Variants in SOBP observed in about 807,000 individuals in gnomAD.
SOBP encodes sine oculis binding protein homolog.
Under a neutral mutation model 53.6 loss-of-function variants are expected in SOBP, and 4 were observed. The ratio of observed to expected loss-of-function variants is 0.07; its 90% CI spans 0.04 to 0.17. The LOEUF (loss-of-function observed/expected upper bound fraction) is 0.17. Among genes scored for constraint, SOBP ranks in the 10% least tolerant of loss-of-function variants. The pLI is 1.00. For synonymous variants in SOBP, 584 were observed against 522.6 expected (o/e 1.12, Z -1.60); for missense variants, 1,088 against 1,204.7 (o/e 0.90, Z 1.43).
In SOBP at chr6:107,635,333, C is replaced by T. The variant is rs938039137; in HGVS notation, c.2489C>T (p.Pro830Leu). The part of the protein sequence containing the change: ...MLPKTGCVIQ[P>L]VPKPAEKAAM... ...CCCAAGACCGGCTGCGTGATCCAGC[C>T]TGTGCCAAAACCCGCGGAGAAGGCT... Residue 830 changes from proline to leucine, a missense_variant, in exon 6 of 7, where the codon CCT (proline) becomes CTT (leucine). This residue lies in a region of SOBP where 665 missense variants were observed against 629.7 expected (regional missense o/e 1.06). Transcript: ENST00000317357. This position sits in a 1 kb window ranked among gnomAD's most constrained non-coding sequence, Gnocchi z 4.5. 2.5e-6 allele frequency: 4 copies of T among 1,613,728 alleles called. No homozygotes were observed. The highest frequency in any genetic ancestry group is 3.3e-5 in the Admixed American group (2 of 60,036).
At chr6:107,599,537 C>CA (rs907267933) in intron 5 of SOBP, among the ~76,000 whole-genome samples, 17 of 139,798 alleles carry the variant, frequency 1.2e-4, no homozygotes, top group South Asian at 2.4e-4. Flanking sequence ...AGATCTTCAT[C>CA]AAAAAAAACA....
At chr6:107,579,660 C>T (rs1211860150) in intron 4 of SOBP, among the ~76,000 whole-genome samples, 1 of 152,184 alleles carries the variant, frequency 6.6e-6, no homozygotes, top group South Asian at 2.1e-4. Flanking sequence ...GCCTCACATG[C>T]GTGCGGCTCT....
At chr6:107,547,048 A>C (rs139581040) in intron 4 of SOBP, among the ~76,000 whole-genome samples, 126 of 152,354 alleles carry the variant, frequency 8.3e-4, no homozygotes, top group African/African-American at 2.9e-3. Flanking sequence ...CTTATTTGGC[A>C]GTAGATGACA....
chr6:107,606,068 TCC>T (rs1460579612), intron 5 of SOBP, among the ~76,000 whole-genome samples: 3 of 90,648 alleles, frequency 3.3e-5, no homozygotes, highest in Non-Finnish European at 4.3e-5. Context: ...TCAGATAGGC[TCC>T]TTTTTTTTTT....
chr6:107,500,068 C>T, intron 1 of SOBP, among the ~76,000 whole-genome samples: 1 of 152,090 alleles, frequency 6.6e-6, no homozygotes, highest in East Asian at 1.9e-4. Flanking sequence ...TCTTTATAGG[C>T]CATAAACATT....
intron 5 of SOBP, among the ~76,000 whole-genome samples, chr6:107,630,166 G>A (rs774825042): frequency 2.6e-5 from 4 of 152,204 alleles, no homozygotes; most frequent in African/African-American, 4.8e-5. Flanking sequence ...AGCTCAGTGC[G>A]TAAATCCCTG....
Position 107,634,449 on chromosome 6 carries a change from GCCCATC to G in SOBP, c.1620_1625del (p.Ile543_Pro544del), listed in dbSNP as rs748118923. The stretch of plus-strand genomic sequence containing the variant: ...ACCCCGTGATCGTGCCCCTACCGGT[GCCCATC>G]CCCATCCCCATCCCTATCCCTCACG... On this transcript the variant is annotated inframe_deletion, in exon 6 of 7. Transcript: ENST00000317357. The surrounding 1 kb of genome is among the most constrained non-coding windows in gnomAD (Gnocchi z 4.5). The G allele has an allele frequency of 2.4e-5, 38 of 1,609,450 alleles. No homozygotes were observed. Among genetic ancestry groups the G allele is most frequent in the East Asian group, 4.5e-5 (2 of 44,834 alleles).
chr6:107,658,083 T>G (rs1411252296), intron 6 of SOBP, 124 bp from the exon 7 acceptor site: 1 of 152,946 alleles, frequency 6.5e-6, no homozygotes, highest in East Asian at 1.9e-4. Context: ...GGGCTCATCC[T>G]AGGTCTGCCC....
intron 5 of SOBP, among the ~76,000 whole-genome samples, chr6:107,593,369 G>A (rs983327292): frequency 1.3e-5 from 2 of 152,188 alleles, no homozygotes; most frequent in African/African-American, 4.8e-5. Context: ...TTGCCCTTCA[G>A]ATTTCAGAGC....
chr6:107,508,014 A>G (rs949594930), intron 3 of SOBP, among the ~76,000 whole-genome samples: 3 of 152,294 alleles, frequency 2.0e-5, no homozygotes, highest in South Asian at 2.1e-4. Flanking sequence ...TAGAATGTTT[A>G]ATTGTAACGC....
chr6:107,533,271 C>CAAAAAAAAA (rs762864049), intron 3 of SOBP, among the ~76,000 whole-genome samples, 188 bp from the exon 4 acceptor site: 2 of 32,822 alleles, frequency 6.1e-5, no homozygotes, highest in Admixed American at 3.9e-4. Flanking sequence ...ACTTAGGAGC[C>CAAAAAAAAA]AAAAAAAAAA....
intron 4 of SOBP, among the ~76,000 whole-genome samples, chr6:107,575,390 T>C (rs942707524): frequency 3.3e-5 from 5 of 152,182 alleles, no homozygotes; most frequent in Non-Finnish European, 7.3e-5. Context: ...AGTTGGAAGG[T>C]TCTGGAATTG....
chr6:107,552,404 A>G (rs531315080), intron 4 of SOBP, among the ~76,000 whole-genome samples: 72 of 152,324 alleles, frequency 4.7e-4, no homozygotes, highest in African/African-American at 1.6e-3. Flanking sequence ...CTGTTGTATC[A>G]GGTGAAAATG....
chr6:107,562,583 A>G (rs1324630514), intron 4 of SOBP, among the ~76,000 whole-genome samples: 3 of 152,210 alleles, frequency 2.0e-5, no homozygotes, highest in African/African-American at 7.2e-5. Flanking sequence ...CCAGAATTCC[A>G]TGTTTCATAA....
intron 4 of SOBP, among the ~76,000 whole-genome samples, chr6:107,581,941 G>A (rs564902813): frequency 3.3e-5 from 5 of 152,170 alleles, no homozygotes; most frequent in Middle Eastern, 3.2e-3. Flanking sequence ...CTCTGCTGCA[G>A]CATAGGAGGG....
At chr6:107,588,408 T>C (rs1562635649) in intron 5 of SOBP, among the ~76,000 whole-genome samples, 1 of 152,250 alleles carries the variant, frequency 6.6e-6, no homozygotes, top group Non-Finnish European at 1.5e-5. Flanking sequence ...ATTTGCTGCT[T>C]ATAAATGTAA....
chr6:107,573,496 AC>A (rs1785136535), intron 4 of SOBP, among the ~76,000 whole-genome samples: 2 of 152,172 alleles, frequency 1.3e-5, no homozygotes, highest in Non-Finnish European at 2.9e-5. Context: ...AATCCTTGCA[AC>A]AAATTTCTGA....
At chr6:107,545,846 A>G (rs560100210) in intron 4 of SOBP, among the ~76,000 whole-genome samples, 1 of 152,152 alleles carries the variant, frequency 6.6e-6, no homozygotes. Flanking sequence ...AACTGTGCTG[A>G]AAATGGCTAA....
chr6:107,633,122 C>A (rs1016311777), intron 5 of SOBP, among the ~76,000 whole-genome samples: 16 of 152,228 alleles, frequency 1.1e-4, no homozygotes, highest in African/African-American at 3.6e-4. Context: ...GCCCATTGAA[C>A]TTTCTGGAGA....
Sources: allele counts gnomAD v4.1 joint callset (sites outside exome capture counted in the v4.1 genomes callset), GRCh38; gene constraint gnomAD v4.1.1; regional missense constraint gnomAD v4.1.1; non-coding constraint Gnocchi (gnomAD v3.1); transcripts MANE v1.5; gene names NCBI Gene and HGNC (gene_info 2026-07-23, HGNC 2026-07-21).